SYMPK: variants seen among roughly 807,000 people sequenced by gnomAD.
SYMPK encodes the protein symplekin.
A neutral mutation model predicts 136.4 loss-of-function variants in SYMPK; 49 were observed. The observed-to-expected ratio is 0.36, with a 90% CI of 0.29 to 0.46. The LOEUF (loss-of-function observed/expected upper bound fraction) is 0.46, where lower values mean the gene tolerates loss of function less well. SYMPK is among the 20% of genes least tolerant of loss of function. The pLI is 1.00. For missense variants in SYMPK, 1,365 were observed against 1,690.0 expected (o/e 0.81, Z 3.37); for synonymous variants, 766 against 713.0 (o/e 1.07, Z -1.19).
At chr19:45,825,463 G>T in intron 17 of SYMPK, 132 bp from the exon 18 acceptor site, 2 of 1,153,464 alleles carry the variant, frequency 1.7e-6, no homozygotes, top group South Asian at 1.6e-5. Context: ...GGAGCTAATT[G>T]TTCTAGGGCA....
chr19:45,827,377 A>G, intron 16 of SYMPK, 133 bp downstream of exon 16: 1 of 658,448 alleles, frequency 1.5e-6, no homozygotes, highest in Non-Finnish European at 2.7e-6. Flanking sequence ...TAGCCAAAAA[A>G]CCACTGAAAG....
At chr19:45,823,733 GA>G in intron 19 of SYMPK, 33 bp downstream of exon 19, 1 of 1,579,976 alleles carries the variant, frequency 6.3e-7, no homozygotes, top group Non-Finnish European at 8.7e-7. Flanking sequence ...GGAGAGGGAG[GA>G]AAGCCATGAA....
intron 17 of SYMPK, 41 bp downstream of exon 17, chr19:45,826,185 C>T (rs535433685): frequency 1.3e-6 from 2 of 1,581,680 alleles, no homozygotes; most frequent in South Asian, 1.1e-5. Flanking sequence ...AGAGCGCGGA[C>T]ACAGCAGCGC....
Position 45,831,423 on chromosome 19 carries a change from T to C in SYMPK, c.1559A>G (p.Lys520Arg). The C allele has an allele frequency of 6.2e-7, 1 of 1,600,232 alleles. No individual in the cohort carries two copies. The highest frequency in any genetic ancestry group is 8.5e-7 in the Non-Finnish European group (1 of 1,173,252). Residue 520 changes from lysine to arginine, a missense_variant, in exon 12 of 27, where the codon AAG becomes AGG. By Grantham distance (26) the Lys-to-Arg change is conservative. Around this residue, in one of 11 missense-constraint regions of SYMPK, gnomAD observed 303 missense variants for 326.6 expected, o/e 0.93. Transcript: ENST00000245934. ...AGGGATAATGGGCTCTGGCCTCCTCTTGGCCTGCGGTGCCTCTTCCTCCAG... is the reference window on the plus strand; with the variant it reads ...AGGGATAATGGGCTCTGGCCTCCTCCTGGCCTGCGGTGCCTCTTCCTCCAG... ...SPLEEEAPQAKRRPEPIIPVT... is the reference protein window; with the variant it reads ...SPLEEEAPQARRRPEPIIPVT...
intron 12 of SYMPK, 113 bp from the exon 13 acceptor site, chr19:45,830,317 C>A: frequency 3.4e-6 from 4 of 1,193,414 alleles, no homozygotes; most frequent in Non-Finnish European, 3.5e-6. Flanking sequence ...CCCCCATCCC[C>A]CTGCTGCCTC....
At chr19:45,842,170 T>C in intron 9 of SYMPK, 80 bp downstream of exon 9, 1 of 1,581,706 alleles carries the variant, frequency 6.3e-7, no homozygotes, top group Non-Finnish European at 8.6e-7. Flanking sequence ...TCTTAGTAAA[T>C]ACAAATTCAG....
At position 45,815,541 on chromosome 19, in the gene SYMPK, C is replaced by G. The variant is rs3810332; in HGVS notation, c.*19G>C. On this transcript the variant is annotated 3_prime_UTR_variant, in exon 27 of 27. Transcript: ENST00000245934. ...CAGCCCCGAGTCCCTGTCCCACCCC[C>G]TTTCCCCCTCGAGCCCCGTCAGCTG... is the stretch of plus-strand genomic sequence containing the variant. The G allele has an allele frequency of 6.3e-3, 9,628 of 1,527,986 alleles. 952 individuals carry two copies. The East Asian group carries it at 0.2, about 31-fold the overall frequency. 94.7% of individuals were successfully genotyped at this position (1,527,986 alleles called of 1,614,324 possible).
chr19:45,830,374 G>C (rs4516331), intron 12 of SYMPK, 170 bp from the exon 13 acceptor site: 1 of 737,962 alleles, frequency 1.4e-6, no homozygotes, highest in African/African-American at 1.8e-5. Flanking sequence ...GTGGGTAAGA[G>C]GAAGGAAGAG....
intron 7 of SYMPK, among the ~76,000 whole-genome samples, chr19:45,845,502 A>G (rs1971538785): frequency 6.6e-6 from 1 of 152,080 alleles, no homozygotes; most frequent in Non-Finnish European, 1.5e-5. Context: ...TTCCACTTCC[A>G]TCCATGTTGT....
chr19:45,827,500 A>C lies in SYMPK; in HGVS notation c.2181+10T>G. 6.2e-7 allele frequency: 1 copy of C among 1,607,580 alleles called. No individual in the cohort carries two copies. The highest frequency in any genetic ancestry group is 2.2e-5 in the East Asian group (1 of 44,806). The stretch of plus-strand genomic sequence containing the variant: ...GCTGAGGGCAGCCAGGAAGTGGAGG[A>C]GGGGATCACCTTGTCCTTCTCATGG... On this transcript the variant is annotated intron_variant, in intron 16 of 26. Coordinates refer to ENST00000245934, the MANE Select transcript of SYMPK (RefSeq NM_004819.3).
At chr19:45,861,755 C>G (rs1035649051) in intron 1 of SYMPK, 16 of 146,544 alleles carry the variant, frequency 1.1e-4, no homozygotes, top group African/African-American at 4.1e-4. Flanking sequence ...AAAAAAGGAG[C>G]CTACACAGGC....
Position 45,816,477 on chromosome 19 carries a change from C to T in SYMPK, c.3354+5G>A. The T allele has an allele frequency of 2.5e-6, 4 of 1,610,252 alleles. No homozygotes were observed. The highest frequency in any genetic ancestry group is 3.4e-6 in the Non-Finnish European group (4 of 1,179,440). On this transcript the variant is annotated splice_donor_5th_base_variant and intron_variant, in intron 25 of 26. Coordinates refer to ENST00000245934, the MANE Select transcript of SYMPK (RefSeq NM_004819.3). ...ATCCAGATGGGTGGGCTGCAGGGCC[C>T]TCACCTCCTCCAAGGGCCCCGCAGG...
chr19:45,838,380 G>A, intron 10 of SYMPK, 81 bp downstream of exon 10: 2 of 1,481,138 alleles, frequency 1.4e-6, no homozygotes, highest in Middle Eastern at 1.8e-4. Context: ...GGAGGTGGAT[G>A]GTGTGAAGTG....
At chr19:45,845,723 G>T (rs1184549537) in intron 7 of SYMPK, among the ~76,000 whole-genome samples, 1 of 152,108 alleles carries the variant, frequency 6.6e-6, no homozygotes, top group African/African-American at 2.4e-5. Flanking sequence ...TCCAGCAGTG[G>T]GATTGCTGAA....
At chr19:45,839,202 T>C (rs899160483) in intron 9 of SYMPK, among the ~76,000 whole-genome samples, 2 of 152,140 alleles carry the variant, frequency 1.3e-5, no homozygotes, top group Non-Finnish European at 2.9e-5. Context: ...TGCAGTTTTT[T>C]AGAAGGCACT....
At chr19:45,827,266 G>T (rs541400175) in intron 16 of SYMPK, among the ~76,000 whole-genome samples, 1 of 152,250 alleles carries the variant, frequency 6.6e-6, no homozygotes, top group Non-Finnish European at 1.5e-5. Context: ...GAGGGCAAGC[G>T]CACGTGTGTG....
intron 7 of SYMPK, 146 bp from the exon 8 acceptor site, chr19:45,844,346 T>C (rs11672928): frequency 0.15 from 88,788 of 600,288 alleles, 7,087 homozygotes; most frequent in Admixed American, 0.19. Context: ...GGTGGTTGAT[T>C]AGTTCTATGA....
intron 14 of SYMPK, 57 bp from the exon 15 acceptor site, chr19:45,827,975 G>A (rs1194879501): frequency 6.5e-7 from 1 of 1,550,370 alleles, no homozygotes; most frequent in East Asian, 2.2e-5. Flanking sequence ...CTGGCTCCCG[G>A]GCCCTGCTGA....
At chr19:45,847,027 C>T (rs1289692845) in intron 7 of SYMPK, among the ~76,000 whole-genome samples, 1 of 152,014 alleles carries the variant, frequency 6.6e-6, no homozygotes, top group East Asian at 1.9e-4. Context: ...CTCCTGACCC[C>T]AAGTGATCTG....
Sources: gnomAD v4.1 joint callset for allele counts (sites outside exome capture counted in the v4.1 genomes callset) on GRCh38, gnomAD v4.1.1 for gene constraint, gnomAD v4.1.1 regional missense constraint, MANE v1.5 for transcripts, NCBI Gene and HGNC (gene_info 2026-07-23, HGNC 2026-07-21) for gene names.